NEGR1: variants seen among roughly 807,000 people sequenced by gnomAD.
NEGR1 encodes the protein IgLON family member 4.
A neutral mutation model predicts 40.9 loss-of-function variants in NEGR1; 10 were observed. The ratio of observed to expected loss-of-function variants is 0.24; its 90% CI spans 0.15 to 0.42. The LOEUF (loss-of-function observed/expected upper bound fraction) is 0.42, where lower values mean the gene tolerates loss of function less well. Among genes scored for constraint, NEGR1 ranks in the 10% least tolerant of loss-of-function variants. The probability of loss-of-function intolerance (pLI) is 1.00; values close to 1 mark genes in which losing one functional copy is unlikely to be tolerated. For synonymous variants in NEGR1, 185 were observed against 166.8 expected (o/e 1.11, Z -0.84); for missense variants, 352 against 438.9 (o/e 0.80, Z 1.77).
chr1:71,994,877 T>C (rs1283323449), intron 1 of NEGR1, among the ~76,000 whole-genome samples: 1 of 151,986 alleles, frequency 6.6e-6, no homozygotes, highest in Non-Finnish European at 1.5e-5. Context: ...TTACCTTGAC[T>C]TGTGTAGTAG....
intron 1 of NEGR1, among the ~76,000 whole-genome samples, chr1:71,953,753 G>C (rs959263364): frequency 1.3e-5 from 2 of 151,910 alleles, no homozygotes; most frequent in African/African-American, 2.4e-5. Flanking sequence ...TTCACAAACA[G>C]AACAAAGGAC....
chr1:71,436,952 G>A (rs2101305697), intron 6 of NEGR1, among the ~76,000 whole-genome samples: 1 of 152,098 alleles, frequency 6.6e-6, no homozygotes, highest in South Asian at 2.1e-4. Flanking sequence ...AAGTTTTTTG[G>A]GAGATTTTCA....
At chr1:71,957,514 A>T (rs750655551) in intron 1 of NEGR1, among the ~76,000 whole-genome samples, 28 of 152,160 alleles carry the variant, frequency 1.8e-4, no homozygotes, top group Non-Finnish European at 3.4e-4. Context: ...GTAAATATAA[A>T]TTTTTTGAAA....
chr1:71,579,809 G>A (rs143851760), intron 6 of NEGR1, among the ~76,000 whole-genome samples: 97 of 152,186 alleles, frequency 6.4e-4, no homozygotes, highest in Admixed American at 3.7e-3. Context: ...CAGGTTATAT[G>A]TTTTTCTCTC....
At chr1:71,979,810 G>A (rs1461254455) in intron 1 of NEGR1, among the ~76,000 whole-genome samples, 1 of 152,058 alleles carries the variant, frequency 6.6e-6, no homozygotes, top group Non-Finnish European at 1.5e-5. Context: ...AACTTAGAAA[G>A]TGGGAATGAG....
chr1:71,799,927 T>C (rs773277710), intron 2 of NEGR1, among the ~76,000 whole-genome samples: 8 of 152,156 alleles, frequency 5.3e-5, no homozygotes, highest in Non-Finnish European at 1.2e-4. Flanking sequence ...TTAGCCAGAA[T>C]GGTCTCGATC....
intron 2 of NEGR1, among the ~76,000 whole-genome samples, chr1:71,853,607 A>G (rs1291102306): frequency 6.6e-6 from 1 of 152,088 alleles, no homozygotes; most frequent in African/African-American, 2.4e-5. Context: ...AGATACTCTC[A>G]CTAGAGAAAA....
At chr1:71,866,909 T>C (rs1660129933) in intron 2 of NEGR1, among the ~76,000 whole-genome samples, 1 of 152,220 alleles carries the variant, frequency 6.6e-6, no homozygotes, top group South Asian at 2.1e-4. Context: ...CTGCAGTTTT[T>C]ATCTCTGAAA....
In NEGR1 at chr1:72,069,205, T is replaced by G. The variant is rs572220573; in HGVS notation, c.177-133894A>C. Among the ~76,000 whole-genome samples the G allele has an allele frequency of 4.0e-5, 6 of 151,372 alleles. No individual in the cohort carries two copies. In the South Asian group the frequency reaches 1.3e-3, roughly 32 times the overall value. On this transcript the variant is annotated intron_variant, in intron 1 of 6. Transcript: ENST00000357731. ...TGGAGCCACTGTTTGAGCTCAAGAG[T>G]TCAAGACCAGCCTGGGCAACATGGA...
chr1:72,143,677 G>T (rs1650769135), intron 1 of NEGR1, among the ~76,000 whole-genome samples: 1 of 150,338 alleles, frequency 6.7e-6, no homozygotes, highest in African/African-American at 2.4e-5. Context: ...TGCACTTAAG[G>T]ATGTCATCTA....
At chr1:71,464,902 C>A (rs1646735715) in intron 6 of NEGR1, among the ~76,000 whole-genome samples, 1 of 152,006 alleles carries the variant, frequency 6.6e-6, no homozygotes, top group South Asian at 2.1e-4. Flanking sequence ...GGCAGTGGTA[C>A]ACAGTTATGC....
intron 1 of NEGR1, among the ~76,000 whole-genome samples, chr1:72,108,228 T>C (rs1167051851): frequency 6.6e-6 from 1 of 151,640 alleles, no homozygotes; most frequent in African/African-American, 2.4e-5. Context: ...AAGATTCAGA[T>C]TTTCTGATTT....
chr1:71,927,484 A>T (rs895820660), intron 2 of NEGR1, among the ~76,000 whole-genome samples: 1 of 152,128 alleles, frequency 6.6e-6, no homozygotes, highest in Non-Finnish European at 1.5e-5. Flanking sequence ...CTGTGAAGGT[A>T]TATTTGTGGA....
At chr1:72,044,809 T>C (rs1293560370) in intron 1 of NEGR1, among the ~76,000 whole-genome samples, 1 of 151,872 alleles carries the variant, frequency 6.6e-6, no homozygotes, top group Non-Finnish European at 1.5e-5. Flanking sequence ...TTTCTTTTAC[T>C]ACTTTGATAA....
At chr1:71,964,634 T>C (rs926062307) in intron 1 of NEGR1, among the ~76,000 whole-genome samples, 36 of 152,292 alleles carry the variant, frequency 2.4e-4, no homozygotes, top group African/African-American at 8.7e-4. Context: ...CACTGTGTTC[T>C]CTGCATGAGT....
intron 6 of NEGR1, among the ~76,000 whole-genome samples, chr1:71,428,373 T>C (rs1440044285): frequency 6.6e-6 from 1 of 152,144 alleles, no homozygotes; most frequent in Non-Finnish European, 1.5e-5. Flanking sequence ...AGTGTTCAAA[T>C]CAATGTTTCA....
At chr1:71,980,917 TATC>T (rs1450615873) in intron 1 of NEGR1, among the ~76,000 whole-genome samples, 1 of 152,126 alleles carries the variant, frequency 6.6e-6, no homozygotes, top group East Asian at 1.9e-4. Context: ...TTTCATTCTT[TATC>T]ATCAAGTCTA....
chr1:71,680,156 T>C (rs2101609165), intron 4 of NEGR1, among the ~76,000 whole-genome samples: 2 of 152,212 alleles, frequency 1.3e-5, no homozygotes, highest in Admixed American at 1.3e-4. Context: ...TTCTTTTTAT[T>C]TCTTTTTAAA....
intron 4 of NEGR1, among the ~76,000 whole-genome samples, chr1:71,631,488 T>C (rs750905737): frequency 6.6e-6 from 1 of 151,860 alleles, no homozygotes; most frequent in South Asian, 2.1e-4. Context: ...TCTGGCATAA[T>C]GCATTTCCAA....
Sources: gnomAD v4.1 joint callset for allele counts (sites outside exome capture counted in the v4.1 genomes callset) on GRCh38, gnomAD v4.1.1 for gene constraint, MANE v1.5 for transcripts, NCBI Gene and HGNC (gene_info 2026-07-23, HGNC 2026-07-21) for gene names.